COL28A1: variants seen among roughly 807,000 people sequenced by gnomAD.
The protein encoded by COL28A1 is collagen alpha-1(XXVIII) chain.
Under a neutral mutation model 150.2 loss-of-function variants are expected in COL28A1, and 161 were observed. The observed-to-expected ratio is 1.07, with a 90% CI of 0.94 to 1.22. COL28A1 has a LOEUF of 1.22. Among genes scored for constraint, COL28A1 ranks in the 50% most tolerant of loss-of-function variants. COL28A1 has a pLI of 0.00. For synonymous variants in COL28A1, 552 were observed against 469.7 expected (o/e 1.18, Z -2.26); for missense variants, 1,617 against 1,388.3 (o/e 1.16, Z -2.62).
chr7:7,397,349 T>G (rs552962054), intron 27 of COL28A1, among the ~76,000 whole-genome samples: 17 of 152,282 alleles, frequency 1.1e-4, no homozygotes, highest in Admixed American at 3.3e-4. Flanking sequence ...GGGCCTTATA[T>G]TCAAGGCCCA....
At chr7:7,416,587 T>C (rs1784086664) in intron 27 of COL28A1, among the ~76,000 whole-genome samples, 2 of 152,200 alleles carry the variant, frequency 1.3e-5, no homozygotes, top group African/African-American at 2.4e-5. Context: ...AAGTATGAGA[T>C]TGGTGTTGTT....
At chr7:7,462,952 G>A (rs1052773794) in intron 15 of COL28A1, among the ~76,000 whole-genome samples, 2 of 151,600 alleles carry the variant, frequency 1.3e-5, no homozygotes, top group Non-Finnish European at 2.9e-5. Flanking sequence ...GACCTTCAGA[G>A]CTCAAAGACA....
At chr7:7,451,830 A>C (rs1242072570) in intron 18 of COL28A1, among the ~76,000 whole-genome samples, 1 of 152,196 alleles carries the variant, frequency 6.6e-6, no homozygotes. Flanking sequence ...TTATGTATGT[A>C]ACATGTATAT....
In COL28A1 at chr7:7,432,678, G is replaced by A; in HGVS notation, c.1883C>T (p.Pro628Leu). The change falls in exon 24 of 35, where the codon CCA becomes CTA. Residue 628 changes from proline (P) to leucine (L), a missense_variant. Pro to Leu is a moderately conservative substitution (Grantham distance 98). Transcript: ENST00000399429. ...GPKGVQGPRG[P>L]VGAPGLKGDG... ...ACCTTTGAGTCCTGGAGCACCCACT[G>A]GTCCCCGAGGGCCTTGGACACCCTG... 1 of 1,613,802 alleles carries A rather than the reference G, an allele frequency of 6.2e-7. No individual in the cohort carries two copies. Among genetic ancestry groups the A allele is most frequent in the South Asian group, 1.1e-5 (1 of 91,064 alleles).
chr7:7,430,505 G>A (rs186647505), intron 25 of COL28A1, among the ~76,000 whole-genome samples: 2,056 of 152,092 alleles, frequency 0.014, 51 homozygotes, highest in Admixed American at 0.061. Flanking sequence ...TAACATAATC[G>A]TATAATTTAA....
At position 7,373,759 on chromosome 7, in the gene COL28A1, C is replaced by T. The variant is rs900064639; in HGVS notation, c.2360-213G>A. ...TGTCGCCCAGGTTGGAGTGCAGTGG[C>T]GCGATCTCGGCTCACTGCAGGCTCC... is the stretch of plus-strand genomic sequence containing the variant. On this transcript the variant is annotated intron_variant, in intron 31 of 34. Coordinates refer to ENST00000399429, the MANE Select transcript of COL28A1 (RefSeq NM_001037763.3). This position sits in a 1 kb window ranked among gnomAD's most constrained non-coding sequence, Gnocchi z 4.1. Among the ~76,000 whole-genome samples, 5 of 150,182 alleles carry T rather than the reference C, an allele frequency of 3.3e-5. No homozygotes were observed. Among genetic ancestry groups the T allele is most frequent in the African/African-American group, 7.4e-5 (3 of 40,810 alleles).
chr7:7,361,564 G>A (rs1311661767), intron 33 of COL28A1, among the ~76,000 whole-genome samples: 1 of 152,130 alleles, frequency 6.6e-6, no homozygotes, highest in Non-Finnish European at 1.5e-5. Flanking sequence ...TCTCATTGTG[G>A]TTTTGATCTA....
chr7:7,396,872 T>G (rs1782863228), intron 27 of COL28A1, among the ~76,000 whole-genome samples: 1 of 152,158 alleles, frequency 6.6e-6, no homozygotes, highest in Non-Finnish European at 1.5e-5. Context: ...TAAAAACAGT[T>G]TAAAACCTGC....
intron 27 of COL28A1, among the ~76,000 whole-genome samples, chr7:7,413,168 A>G (rs1283776098): frequency 6.6e-6 from 1 of 152,056 alleles, no homozygotes; most frequent in Non-Finnish European, 1.5e-5. Context: ...GAGGTCACCA[A>G]ATTACCCAGC....
chr7:7,536,889 T>C (rs1782661728), upstream of COL28A1, among the ~76,000 whole-genome samples: 1 of 152,142 alleles, frequency 6.6e-6, no homozygotes, highest in Non-Finnish European at 1.5e-5. Flanking sequence ...CTATATACAG[T>C]AAGTCCTCAC....
At chr7:7,511,228 A>T in intron 8 of COL28A1, 93 bp from the exon 9 acceptor site, 2 of 990,138 alleles carry the variant, frequency 2.0e-6, no homozygotes, top group Non-Finnish European at 3.1e-6. Context: ...TTCCCAGCAG[A>T]CTCTTGTAAC....
chr7:7,450,298 C>T (rs1307204240), intron 18 of COL28A1, among the ~76,000 whole-genome samples: 1 of 151,964 alleles, frequency 6.6e-6, no homozygotes. Context: ...ATTTTAAAAA[C>T]AAAACACTAA....
chr7:7,435,633 T>C (rs1339263943), intron 23 of COL28A1, among the ~76,000 whole-genome samples: 21 of 152,172 alleles, frequency 1.4e-4, no homozygotes, highest in Non-Finnish European at 2.9e-4. Flanking sequence ...ATACAACAGG[T>C]TTTGCATCAT....
rs756421618 is a variant in COL28A1, at chr7:7,520,028, C to T, written c.813+34G>A. 24 of 1,024,760 alleles carry T rather than the reference C, an allele frequency of 2.3e-5. 1 individual carries two copies. Among genetic ancestry groups the T allele is most frequent in the Admixed American group, 2.0e-4 (11 of 55,358 alleles). 63.5% of individuals were successfully genotyped at this position (1,024,760 alleles called of 1,614,324 possible). ...TAAAAAAAAAGTCTAGAAGGAGATA[C>T]GCTGGTTTAAAGAAAAGCTGTTTAT... On this transcript the variant is annotated intron_variant, in intron 6 of 34. Coordinates refer to ENST00000399429, the MANE Select transcript of COL28A1 (RefSeq NM_001037763.3).
At chr7:7,400,966 G>A (rs967660222) in intron 27 of COL28A1, among the ~76,000 whole-genome samples, 1 of 141,454 alleles carries the variant, frequency 7.1e-6, no homozygotes, top group African/African-American at 2.7e-5. Flanking sequence ...TAGGACGTGT[G>A]GGTATTTGGG....
chr7:7,409,860 A>T (rs1476673296), intron 27 of COL28A1, among the ~76,000 whole-genome samples: 1 of 152,320 alleles, frequency 6.6e-6, no homozygotes, highest in Non-Finnish European at 1.5e-5. Context: ...CATAGCAAAT[A>T]GGCAAGAAAT....
chr7:7,381,216 T>G (rs1273088736), intron 28 of COL28A1, among the ~76,000 whole-genome samples: 1 of 152,104 alleles, frequency 6.6e-6, no homozygotes, highest in Non-Finnish European at 1.5e-5. Context: ...AACTAATAAA[T>G]CCTTTATTAG....
At chr7:7,530,689 A>C (rs944397683) in intron 3 of COL28A1, among the ~76,000 whole-genome samples, 1 of 145,416 alleles carries the variant, frequency 6.9e-6, no homozygotes, top group Non-Finnish European at 1.5e-5. Context: ...GCTGAGCAAC[A>C]AACAAAGAAA....
At chr7:7,412,620 T>C (rs564639695) in intron 27 of COL28A1, among the ~76,000 whole-genome samples, 1 of 152,200 alleles carries the variant, frequency 6.6e-6, no homozygotes, top group East Asian at 1.9e-4. Flanking sequence ...TACTATCTAA[T>C]TTCAATCATT....
Sources: gnomAD v4.1 joint callset for allele counts (sites outside exome capture counted in the v4.1 genomes callset) on GRCh38, gnomAD v4.1.1 for gene constraint, Gnocchi (gnomAD v3.1) non-coding constraint, MANE v1.5 for transcripts, NCBI Gene and HGNC (gene_info 2026-07-23, HGNC 2026-07-21) for gene names.